Variants in TENM3 observed in about 807,000 individuals in gnomAD.
The protein encoded by TENM3 is teneurin transmembrane protein 3.
In TENM3, 63 loss-of-function variants were observed where a neutral mutation model predicts 255.1. The ratio of observed to expected loss-of-function variants is 0.25; its 90% CI spans 0.20 to 0.30. The LOEUF is 0.30. Ranked by LOEUF, TENM3 falls within the 10% of genes least tolerant of loss-of-function variation. TENM3 has a pLI of 1.00. For missense variants in TENM3, 2,929 were observed against 3,461.1 expected, an observed-to-expected ratio of 0.85 and a Z score of 3.86; for synonymous variants, 1,306 against 1,322.3, an observed-to-expected ratio of 0.99 and a Z score of 0.27.
At chr4:182,326,150 G>A (rs1428617167) in intron 2 of TENM3, among the ~76,000 whole-genome samples, 1 of 152,218 alleles carries the variant, frequency 6.6e-6, no homozygotes, top group Non-Finnish European at 1.5e-5. Context: ...ATGGAGAAGC[G>A]CTCGCGCAGT....
chr4:181,846,014 C>T, the TENM3 span, among the ~76,000 whole-genome samples: 288 of 152,260 alleles, frequency 1.9e-3, 1 homozygote, highest in African/African-American at 6.7e-3. Context: ...TATTTGAAAG[C>T]CCCTTCTGAA....
At chr4:182,013,843 T>C in the TENM3 span, among the ~76,000 whole-genome samples, 1 of 151,022 alleles carries the variant, frequency 6.6e-6, no homozygotes, top group Non-Finnish European at 1.5e-5. Context: ...ACTATAATTA[T>C]TATGTATAGA....
At chr4:182,129,966 GCTA>G in the TENM3 span, among the ~76,000 whole-genome samples, 2 of 152,030 alleles carry the variant, frequency 1.3e-5, no homozygotes, top group African/African-American at 4.8e-5. Flanking sequence ...TATTGAGTTG[GCTA>G]CTATTGTTCT....
At chr4:182,262,828 T>C (rs2726781) in intron 1 of TENM3, among the ~76,000 whole-genome samples, 86,112 of 150,224 alleles carry the variant, frequency 0.57, 26,595 homozygotes, top group African/African-American at 0.81. Context: ...ATTCTCCTGC[T>C]TCAGCCTCCC....
intron 4 of TENM3, among the ~76,000 whole-genome samples, chr4:182,605,583 A>T (rs1433724471): frequency 6.6e-6 from 1 of 152,022 alleles, no homozygotes. Context: ...GGCACCTTTT[A>T]TAACTTAGTA....
At chr4:181,697,819 A>G in the TENM3 span, among the ~76,000 whole-genome samples, 3 of 152,264 alleles carry the variant, frequency 2.0e-5, no homozygotes, top group African/African-American at 4.8e-5. Context: ...CTAAAAGCAA[A>G]GAGAAAATAA....
chr4:181,552,144 A>C, the TENM3 span, among the ~76,000 whole-genome samples: 1 of 152,110 alleles, frequency 6.6e-6, no homozygotes, highest in Non-Finnish European at 1.5e-5. Flanking sequence ...CATTGAGCAA[A>C]TATATTTCAG....
At chr4:182,225,984 G>A (rs1280408440) in intron 1 of TENM3, among the ~76,000 whole-genome samples, 2 of 152,092 alleles carry the variant, frequency 1.3e-5, no homozygotes, top group Non-Finnish European at 2.9e-5. Context: ...AGGAACCATC[G>A]GGAAATACAG....
At chr4:182,459,731 C>A (rs1774183875) in intron 3 of TENM3, among the ~76,000 whole-genome samples, 2 of 152,090 alleles carry the variant, frequency 1.3e-5, no homozygotes, top group Non-Finnish European at 2.9e-5. Flanking sequence ...GCTGAGATAT[C>A]AGTATAAACA....
the TENM3 span, among the ~76,000 whole-genome samples, chr4:181,487,654 A>G: frequency 1.3e-5 from 2 of 152,148 alleles, no homozygotes; most frequent in Non-Finnish European, 2.9e-5. Context: ...ATTTCCCCAT[A>G]TGAATTTGAG....
At chr4:182,796,603 C>T (rs746207903) in intron 26 of TENM3, 34 bp from the exon 27 acceptor site, 2 of 1,545,868 alleles carry the variant, frequency 1.3e-6, no homozygotes, top group African/African-American at 2.8e-5. Flanking sequence ...AAAACAAACT[C>T]CAACACCTTT....
the TENM3 span, among the ~76,000 whole-genome samples, chr4:181,700,591 T>A: frequency 1.3e-5 from 2 of 152,228 alleles, no homozygotes; most frequent in African/African-American, 4.8e-5. Flanking sequence ...GATGAAATAT[T>A]TAATCTCCTC....
chr4:182,547,237 A>C (rs1670779157), intron 3 of TENM3, among the ~76,000 whole-genome samples: 2 of 152,256 alleles, frequency 1.3e-5, no homozygotes, highest in East Asian at 3.9e-4. Context: ...TTAATTTTAG[A>C]TCTTCTTAGG....
the TENM3 span, chr4:181,820,030 T>C: frequency 6.6e-6 from 1 of 152,002 alleles, no homozygotes; most frequent in Non-Finnish European, 1.5e-5. Context: ...CTTTAATAAA[T>C]TAGGTTTATA....
At chr4:181,683,541 G>T in the TENM3 span, among the ~76,000 whole-genome samples, 1 of 152,202 alleles carries the variant, frequency 6.6e-6, no homozygotes, top group Non-Finnish European at 1.5e-5. Context: ...GCTTCTATAA[G>T]CTCCCAGCTG....
chr4:182,671,685 C>T (rs1300466046), intron 6 of TENM3, among the ~76,000 whole-genome samples: 1 of 151,988 alleles, frequency 6.6e-6, no homozygotes. Context: ...ACCTACAGTG[C>T]TGCCGCTAGC....
chr4:182,345,810 C>T (rs1379751273), intron 2 of TENM3, among the ~76,000 whole-genome samples: 1 of 152,094 alleles, frequency 6.6e-6, no homozygotes, highest in African/African-American at 2.4e-5. Flanking sequence ...TAGTAAAGGC[C>T]TGCAGAGTTC....
chr4:182,725,636 C>CTTTTTTTTTTTTTTTTTTTTTTT (rs5864795), intron 13 of TENM3, among the ~76,000 whole-genome samples: 2 of 133,672 alleles, frequency 1.5e-5, no homozygotes, highest in Non-Finnish European at 3.1e-5. Context: ...TCTTTTTTTT[C>CTTTTTTTTTTTTTTTTTTTTTTT]TTTTTTTTTT....
chr4:182,377,628 TA>T (rs1229106003), intron 3 of TENM3, among the ~76,000 whole-genome samples: 7 of 152,166 alleles, frequency 4.6e-5, no homozygotes, highest in Non-Finnish European at 1.0e-4. Flanking sequence ...AATTATTCCT[TA>T]ATCCAGATAT....
Sources: allele counts gnomAD v4.1 joint callset (sites outside exome capture counted in the v4.1 genomes callset), GRCh38; gene constraint gnomAD v4.1.1; transcripts MANE v1.5; gene names NCBI Gene and HGNC (gene_info 2026-07-23, HGNC 2026-07-21).